CHAF1A: variants seen among roughly 807,000 people sequenced by gnomAD.
CHAF1A encodes the protein CAF-1 subunit A.
Under a neutral mutation model 93.2 loss-of-function variants are expected in CHAF1A, and 5 were observed. That is an observed-to-expected ratio of 0.05 (90% CI 0.03 to 0.11). The LOEUF is 0.11. Ranked by LOEUF, CHAF1A falls within the 10% of genes least tolerant of loss-of-function variation. The pLI is 1.00. For synonymous variants in CHAF1A, 504 were observed against 510.3 expected (o/e 0.99, Z 0.17); for missense variants, 1,102 against 1,259.9 (o/e 0.87, Z 1.90).
At chr19:4,419,341 C>T (rs1973950904) in intron 4 of CHAF1A, among the ~76,000 whole-genome samples, 1 of 152,134 alleles carries the variant, frequency 6.6e-6, no homozygotes, top group South Asian at 2.1e-4. Context: ...CTGAGTGTTT[C>T]CTGAGCTCCC....
At chr19:4,429,332 C>T (rs1480153618) in intron 8 of CHAF1A, 106 bp from the exon 9 acceptor site, 1 of 1,291,690 alleles carries the variant, frequency 7.7e-7, no homozygotes, top group African/African-American at 1.5e-5. Flanking sequence ...TAACAAATGC[C>T]CATCTTTCTA....
intron 13 of CHAF1A, among the ~76,000 whole-genome samples, chr19:4,436,420 G>A (rs984970459): frequency 4.6e-5 from 7 of 152,204 alleles, no homozygotes; most frequent in Admixed American, 1.3e-4. Flanking sequence ...GCTTGGCGCC[G>A]TGGGAAGCTC....
At chr19:4,411,720 C>G (rs1973808031) in intron 3 of CHAF1A, among the ~76,000 whole-genome samples, 1 of 135,600 alleles carries the variant, frequency 7.4e-6, no homozygotes, top group South Asian at 2.4e-4. Context: ...TGGTCTCAGC[C>G]TACTGCAGCC....
chr19:4,440,989 G>A (rs1223510639), intron 13 of CHAF1A, among the ~76,000 whole-genome samples: 6 of 140,662 alleles, frequency 4.3e-5, no homozygotes, highest in African/African-American at 1.3e-4. Context: ...GCGTAGTGGC[G>A]GGCACCTGTT....
At chr19:4,418,696 T>C (rs544909784) in intron 4 of CHAF1A, among the ~76,000 whole-genome samples, 3 of 152,264 alleles carry the variant, frequency 2.0e-5, no homozygotes, top group African/African-American at 7.2e-5. Context: ...ATTACAGGTG[T>C]GAGCCGCCGC....
At chr19:4,446,363 T>C (rs758623562), downstream of CHAF1A, 1 of 1,573,204 alleles carries the variant, frequency 6.4e-7, no homozygotes, top group Admixed American at 1.8e-5. Flanking sequence ...CTCCTCCTTC[T>C]CCCGCATGGC....
intron 3 of CHAF1A, among the ~76,000 whole-genome samples, chr19:4,413,166 G>T (rs946586488): frequency 1.3e-5 from 2 of 152,062 alleles, no homozygotes; most frequent in African/African-American, 4.8e-5. Flanking sequence ...CTGCCTCCTG[G>T]GTTCAAGCAA....
At chr19:4,412,857 G>A (rs1973831159) in intron 3 of CHAF1A, among the ~76,000 whole-genome samples, 2 of 152,198 alleles carry the variant, frequency 1.3e-5, no homozygotes, top group Non-Finnish European at 2.9e-5. Context: ...ATGGCAGAAA[G>A]CGGCCACAAC....
intron 6 of CHAF1A, 37 bp from the exon 7 acceptor site, chr19:4,423,769 C>G: frequency 6.3e-7 from 1 of 1,597,078 alleles, no homozygotes; most frequent in Non-Finnish European, 8.6e-7. Flanking sequence ...GTTCCTCTTC[C>G]TCTCCTCTTT....
intron 13 of CHAF1A, among the ~76,000 whole-genome samples, chr19:4,437,141 G>A (rs1042522286): frequency 1.1e-4 from 17 of 151,854 alleles, no homozygotes; most frequent in African/African-American, 3.2e-4. Context: ...GCGGACGCAC[G>A]AAGGTCACAC....
intron 3 of CHAF1A, among the ~76,000 whole-genome samples, chr19:4,415,380 G>T (rs568259658): frequency 3.3e-5 from 5 of 152,274 alleles, no homozygotes; most frequent in African/African-American, 1.2e-4. Flanking sequence ...TCACAGCAGA[G>T]GGGGGGCATT....
intron 4 of CHAF1A, among the ~76,000 whole-genome samples, chr19:4,420,082 T>C (rs1457541024): frequency 6.6e-6 from 1 of 152,136 alleles, no homozygotes; most frequent in Non-Finnish European, 1.5e-5. Context: ...CAGAGATGTA[T>C]TGGAACACAT....
At position 4,432,169 on chromosome 19, in the gene CHAF1A, C is replaced by A; in HGVS notation, c.2165C>A (p.Thr722Lys). 6.2e-7 allele frequency: 1 copy of A among 1,611,452 alleles called. No individual in the cohort carries two copies. Among genetic ancestry groups the A allele is most frequent in the Non-Finnish European group, 8.5e-7 (1 of 1,179,272 alleles). Residue 722 changes from threonine to lysine, a missense_variant, in exon 12 of 15, where the codon ACG becomes AAG. Physicochemically the swap from Thr to Lys is moderately conservative, Grantham distance 78. This residue lies in a region of CHAF1A where 335 missense variants were observed against 361.9 expected (regional missense o/e 0.93). Transcript: ENST00000301280. ...ACCCTGCCGGCCCAGGAGGAGCAGA[C>A]GCCCAAGGCCTCCAAGCGGGAGAGG... ...LETLPAQEEQ[T>K]PKASKRERRD...
rs371894870 is a variant in CHAF1A at position 4,441,285 on chromosome 19, C to T, written c.2674-960C>T. Among the ~76,000 whole-genome samples, 73 of 152,094 alleles carry T rather than the reference C, an allele frequency of 4.8e-4. 1 individual carries two copies. In the East Asian group the frequency reaches 0.01, roughly 22 times the overall value. ...TGAGCCAAGATCGCACCACTGCACTCCAGCCTGGATATATGGCAAGACTCT... is the reference window on the plus strand; with the variant it reads ...TGAGCCAAGATCGCACCACTGCACTTCAGCCTGGATATATGGCAAGACTCT... On this transcript the variant is annotated intron_variant, in intron 13 of 14. Coordinates refer to ENST00000301280, the MANE Select transcript of CHAF1A (RefSeq NM_005483.3).
chr19:4,430,114 G>A (rs1301235523), intron 10 of CHAF1A: 2 of 376,734 alleles, frequency 5.3e-6, no homozygotes, highest in African/African-American at 4.2e-5. Context: ...GTGACCTAGT[G>A]GGCTTTCTGC....
At position 4,417,482 on chromosome 19, in the gene CHAF1A, A is replaced by G. The variant is rs567858016; in HGVS notation, c.961-538A>G. Among the ~76,000 whole-genome samples, 4 of 125,268 alleles carry G rather than the reference A, an allele frequency of 3.2e-5. No individual in the cohort carries two copies. The East Asian group carries it at 9.7e-4, about 30-fold the overall frequency. The allele number at this position is 125,268 out of a possible 152,430, so 82.2% of individuals were successfully genotyped here. The stretch of plus-strand genomic sequence containing the variant: ...CTTTTTTTTTTTTTTTTTTTTTAAG[A>G]CAGAGTCTCACCCTGTTGCCCAGGC... On this transcript the variant is annotated intron_variant, in intron 3 of 14. Transcript: ENST00000301280.
At chr19:4,428,078 G>C (rs896803992) in intron 7 of CHAF1A, among the ~76,000 whole-genome samples, 1 of 150,304 alleles carries the variant, frequency 6.7e-6, no homozygotes, top group Admixed American at 6.6e-5. Context: ...GGCTGGTCTC[G>C]AACTCCTGAC....
chr19:4,411,776 T>G (rs1973809291), intron 3 of CHAF1A, among the ~76,000 whole-genome samples: 1 of 151,086 alleles, frequency 6.6e-6, no homozygotes, highest in Admixed American at 6.6e-5. Context: ...GCCTCTTGAG[T>G]AGCTGGGATT....
At chr19:4,437,110 C>A (rs1974298325) in intron 13 of CHAF1A, among the ~76,000 whole-genome samples, 1 of 152,202 alleles carries the variant, frequency 6.6e-6, no homozygotes, top group Non-Finnish European at 1.5e-5. Flanking sequence ...AGGTGAGGGC[C>A]TCCTGGGGCT....
Sources: gnomAD v4.1 joint callset for allele counts (sites outside exome capture counted in the v4.1 genomes callset) on GRCh38, gnomAD v4.1.1 for gene constraint, gnomAD v4.1.1 regional missense constraint, MANE v1.5 for transcripts, NCBI Gene and HGNC (gene_info 2026-07-23, HGNC 2026-07-21) for gene names.